Variants in TSPAN5 observed in about 807,000 individuals in gnomAD.
TSPAN5 encodes the protein tetraspanin 5.
TSPAN5 carries 10 observed loss-of-function variants against 37.1 expected under a neutral mutation model. The ratio of observed to expected loss-of-function variants is 0.27; its 90% CI spans 0.17 to 0.46. The LOEUF is 0.46. Among genes scored for constraint, TSPAN5 ranks in the 20% least tolerant of loss-of-function variants. The probability of loss-of-function intolerance (pLI) is 1.00; values close to 1 mark genes in which losing one functional copy is unlikely to be tolerated. For missense variants in TSPAN5, 195 were observed against 326.6 expected, an observed-to-expected ratio of 0.60 and a Z score of 3.11; for synonymous variants, 110 against 118.9, an observed-to-expected ratio of 0.93 and a Z score of 0.48.
At chr4:98,655,126 T>C (rs1340157339) in intron 1 of TSPAN5, among the ~76,000 whole-genome samples, 1 of 152,216 alleles carries the variant, frequency 6.6e-6, no homozygotes, top group Admixed American at 6.5e-5. Context: ...ATCGCAGGCG[T>C]GAGCCACCGC....
chr4:98,481,639 G>A (rs1752840644), intron 4 of TSPAN5, among the ~76,000 whole-genome samples: 1 of 152,088 alleles, frequency 6.6e-6, no homozygotes. Flanking sequence ...CCAAAAAAGG[G>A]GGCAAGGGAT....
intron 1 of TSPAN5, among the ~76,000 whole-genome samples, chr4:98,519,580 A>G (rs1254363081): frequency 6.6e-6 from 1 of 152,216 alleles, no homozygotes; most frequent in Non-Finnish European, 1.5e-5. Context: ...TGAAGAAAAG[A>G]GTGCAGTCTA....
intron 2 of TSPAN5, among the ~76,000 whole-genome samples, chr4:98,499,616 T>C (rs1478612969): frequency 6.6e-6 from 1 of 151,722 alleles, no homozygotes; most frequent in African/African-American, 2.4e-5. Context: ...TCAGATCACA[T>C]AGCTTCCAGG....
At chr4:98,649,010 C>G (rs1286513906) in intron 1 of TSPAN5, among the ~76,000 whole-genome samples, 1 of 152,104 alleles carries the variant, frequency 6.6e-6, no homozygotes, top group Non-Finnish European at 1.5e-5. Flanking sequence ...CAGAAGTGAC[C>G]CCTAGTTAGT....
intron 1 of TSPAN5, among the ~76,000 whole-genome samples, chr4:98,537,885 G>A (rs751788714): frequency 2.0e-5 from 3 of 152,232 alleles, no homozygotes; most frequent in Non-Finnish European, 4.4e-5. Context: ...TGTCATTTGA[G>A]GTGCTGCTCA....
chr4:98,543,384 CATAA>C (rs1275455520), intron 1 of TSPAN5, among the ~76,000 whole-genome samples: 5 of 151,296 alleles, frequency 3.3e-5, no homozygotes, highest in Admixed American at 2.6e-4. Flanking sequence ...TACACCCATC[CATAA>C]ATACATACAT....
intron 2 of TSPAN5, among the ~76,000 whole-genome samples, chr4:98,494,579 A>G (rs779146390): frequency 6.6e-6 from 1 of 151,942 alleles, no homozygotes; most frequent in Non-Finnish European, 1.5e-5. Flanking sequence ...ATCCAAGTAA[A>G]TCCAAACACG....
chr4:98,552,005 A>G (rs11097621), intron 1 of TSPAN5, among the ~76,000 whole-genome samples: 94,443 of 151,976 alleles, frequency 0.62, 29,762 homozygotes, highest in South Asian at 0.79. Flanking sequence ...GTTGTTAATA[A>G]TAATAGTCTC....
At chr4:98,526,631 C>T (rs1326160573) in intron 1 of TSPAN5, among the ~76,000 whole-genome samples, 2 of 150,830 alleles carry the variant, frequency 1.3e-5, no homozygotes, top group Non-Finnish European at 2.9e-5. Flanking sequence ...ATAAATGAGA[C>T]TGAGAAAAAA....
At chr4:98,592,746 G>C (rs1755678839) in intron 1 of TSPAN5, among the ~76,000 whole-genome samples, 1 of 150,896 alleles carries the variant, frequency 6.6e-6, no homozygotes, top group South Asian at 2.1e-4. Context: ...TTTCATCCAT[G>C]TCCCTACAAA....
In TSPAN5 at chr4:98,472,557, C is replaced by G. The variant is rs192984305; in HGVS notation, c.772G>C (p.Val258Leu). 6.2e-7 allele frequency: 1 copy of G among 1,613,900 alleles called. No individual in the cohort carries two copies. The highest frequency in any genetic ancestry group is 2.2e-5 in the East Asian group (1 of 44,858). ...GCCCTGACAGCTTCGATATCGCTAA[C>G]CAAATTCTGGGCCAGGCATATCCCA... The part of the protein sequence containing the change: ...IFGICLAQNL[V>L]SDIEAVRASW Residue 258 changes from valine to leucine, a missense_variant, in exon 8 of 8, where the codon GTT (valine) becomes CTT (leucine). Coordinates refer to ENST00000305798, the MANE Select transcript of TSPAN5 (RefSeq NM_005723.4).
intron 1 of TSPAN5, among the ~76,000 whole-genome samples, chr4:98,637,455 C>T (rs76069571): frequency 0.016 from 2,434 of 152,230 alleles, 63 homozygotes; most frequent in African/African-American, 0.056. Context: ...TAATAATTTT[C>T]ACATATTATT....
chr4:98,508,251 T>C (rs1753522512), intron 1 of TSPAN5, among the ~76,000 whole-genome samples: 1 of 152,232 alleles, frequency 6.6e-6, no homozygotes, highest in African/African-American at 2.4e-5. Context: ...AGAAAATTCC[T>C]AAGTTCTGTT....
At chr4:98,479,467 C>T (rs1296411419) in intron 4 of TSPAN5, among the ~76,000 whole-genome samples, 3 of 152,138 alleles carry the variant, frequency 2.0e-5, no homozygotes, top group Non-Finnish European at 2.9e-5. Flanking sequence ...TATGAATGGA[C>T]GTGCAGTCAG....
chr4:98,643,768 T>C (rs75264290), intron 1 of TSPAN5, among the ~76,000 whole-genome samples: 1,746 of 152,322 alleles, frequency 0.011, 101 homozygotes, highest in Admixed American at 0.092. Context: ...CTTCATTCAG[T>C]TTATTCTTTC....
At chr4:98,573,430 G>T (rs956882274) in intron 1 of TSPAN5, among the ~76,000 whole-genome samples, 6 of 152,178 alleles carry the variant, frequency 3.9e-5, no homozygotes, top group African/African-American at 1.4e-4. Context: ...TGTACAGATA[G>T]AGTCTATGTT....
chr4:98,523,231 T>A (rs922057820), intron 1 of TSPAN5, among the ~76,000 whole-genome samples: 2 of 152,180 alleles, frequency 1.3e-5, no homozygotes, highest in Non-Finnish European at 2.9e-5. Flanking sequence ...TGGAAGAGTC[T>A]CCTGATGAAC....
At position 98,577,389 on chromosome 4, in the gene TSPAN5, CT is replaced by C. The variant is rs370667695; in HGVS notation, c.82-69662del. ...ACCAGAATCTTTATTGTTTCCCCCC[CT>C]GAAACTCCAAGTCCCCTCATCATTT... On this transcript the variant is annotated intron_variant, in intron 1 of 7. Transcript: ENST00000305798. Among the ~76,000 whole-genome samples, 34 of 152,262 alleles carry C rather than the reference CT, an allele frequency of 2.2e-4. 1 individual carries two copies. Among genetic ancestry groups the C allele is most frequent in the African/African-American group, 7.2e-4 (30 of 41,536 alleles).
At chr4:98,621,360 GTCACTTT>G (rs1453776879) in intron 1 of TSPAN5, among the ~76,000 whole-genome samples, 1 of 136,374 alleles carries the variant, frequency 7.3e-6, no homozygotes, top group Non-Finnish European at 1.5e-5. Context: ...GAACCAATAT[GTCACTTT>G]TTTTTTTTTT....
Sources: allele counts gnomAD v4.1 joint callset (sites outside exome capture counted in the v4.1 genomes callset), GRCh38; gene constraint gnomAD v4.1.1; transcripts MANE v1.5; gene names NCBI Gene and HGNC (gene_info 2026-07-23, HGNC 2026-07-21).